DCAF5: variants seen among roughly 807,000 people sequenced by gnomAD.
DCAF5 encodes DDB1- and CUL4-associated factor 5.
In DCAF5, 9 loss-of-function variants were observed where a neutral mutation model predicts 80.7. The observed-to-expected ratio is 0.11, with a 90% CI of 0.07 to 0.19. The LOEUF (loss-of-function observed/expected upper bound fraction) is 0.19. Among genes scored for constraint, DCAF5 ranks in the 10% least tolerant of loss-of-function variants. The pLI is 1.00. For missense variants in DCAF5, 842 were observed against 1,205.7 expected (o/e 0.70, Z 4.47); for synonymous variants, 433 against 461.9 (o/e 0.94, Z 0.80).
intron 7 of DCAF5, among the ~76,000 whole-genome samples, chr14:69,063,444 T>C: frequency 6.6e-6 from 1 of 152,198 alleles, no homozygotes; most frequent in Non-Finnish European, 1.5e-5. Context: ...GAGAAACATG[T>C]GCATTTGGCT....
In DCAF5 at chr14:69,053,600, G is replaced by A. The variant is rs377021888; in HGVS notation, c.*257C>T. On this transcript the variant is annotated 3_prime_UTR_variant, in exon 9 of 9. Coordinates refer to ENST00000341516, the MANE Select transcript of DCAF5 (RefSeq NM_003861.3). ...CACAGAGCCTTGCGCGGCACACTAC[G>A]CTCACGTCTCACTAGAAAGGAGTCA... The A allele has an allele frequency of 1.1e-5, 5 of 454,698 alleles. No homozygotes were observed. Among genetic ancestry groups the A allele is most frequent in the Non-Finnish European group, 1.9e-5 (5 of 257,100 alleles). The allele number at this position is 454,698 out of a possible 1,614,324, so 28.2% of individuals were successfully genotyped here. A position where few individuals can be genotyped will look rare whatever the true frequency, so the allele number is the denominator to read the frequency against.
chr14:69,141,595 C>G (rs2041376002), intron 1 of DCAF5, among the ~76,000 whole-genome samples: 1 of 152,166 alleles, frequency 6.6e-6, no homozygotes. Context: ...AATAATTACA[C>G]TGGGACAATG....
chr14:69,099,689 T>A (rs2039881386), intron 5 of DCAF5, among the ~76,000 whole-genome samples: 1 of 152,172 alleles, frequency 6.6e-6, no homozygotes, highest in Non-Finnish European at 1.5e-5. Context: ...ATGCCTGTAA[T>A]CCCAACACTT....
At chr14:69,091,041 G>A (rs1446241928) in intron 6 of DCAF5, 3 of 730,568 alleles carry the variant, frequency 4.1e-6, no homozygotes, top group Non-Finnish European at 7.5e-6. Context: ...GGTGCAAGAA[G>A]GCCAAGTATA....
chr14:69,058,537 C>CAT (rs60478675), intron 8 of DCAF5, among the ~76,000 whole-genome samples: 45,338 of 148,422 alleles, frequency 0.31, 9,019 homozygotes, highest in East Asian at 0.91. Context: ...AAAAAAAATA[C>CAT]ATATATATAT....
At chr14:69,125,676 G>A (rs1360429171) in intron 1 of DCAF5, among the ~76,000 whole-genome samples, 2 of 152,056 alleles carry the variant, frequency 1.3e-5, no homozygotes, top group Non-Finnish European at 2.9e-5. Flanking sequence ...AACAATTCAG[G>A]AATGGAAAAA....
intron 6 of DCAF5, chr14:69,085,390 A>C (rs1171986404): frequency 1.7e-6 from 1 of 572,260 alleles, no homozygotes; most frequent in Non-Finnish European, 3.3e-6. Context: ...CTCTCACTGA[A>C]GACATGCCTT....
rs147590456 is a variant in DCAF5, at chr14:69,063,676, C to T, written c.947-1165G>A. On this transcript the variant is annotated intron_variant, in intron 7 of 8. Coordinates refer to ENST00000341516, the MANE Select transcript of DCAF5 (RefSeq NM_003861.3). ...TCTGTGTTTGGAGGGAAAATGACTA[C>T]AACAATGTCCCTTCCCCAGAAATAA... Among the ~76,000 whole-genome samples the T allele has an allele frequency of 3.6e-4, 55 of 152,332 alleles. No individual in the cohort carries two copies. The East Asian group carries it at 9.8e-3, about 27-fold the overall frequency.
At chr14:69,058,592 G>T (rs1194270287) in intron 8 of DCAF5, among the ~76,000 whole-genome samples, 1 of 148,882 alleles carries the variant, frequency 6.7e-6, no homozygotes, top group Non-Finnish European at 1.5e-5. Flanking sequence ...TCATGAGAAA[G>T]AGCCAGGCGT....
At chr14:69,116,255 C>G in intron 5 of DCAF5, 111 bp downstream of exon 5, 1 of 1,306,104 alleles carries the variant, frequency 7.7e-7, no homozygotes. Context: ...TTAAGAAATG[C>G]CCAGCAGAGA....
Position 69,054,866 on chromosome 14 carries a change from T to C in DCAF5, c.1820A>G (p.Asn607Ser). Residue 607 changes from asparagine to serine, a missense_variant, in exon 9 of 9, where the codon AAC (asparagine) becomes AGC (serine). By Grantham distance (46) the Asn-to-Ser change is conservative. Transcript: ENST00000341516. ...DKPSAPIKPTNTYIGEDNYDY... is the reference protein window; with the variant it reads ...DKPSAPIKPTSTYIGEDNYDY... Reference sequence around the variant, plus strand: ...ATAGTTGTCTTCTCCAATGTAAGTGTTGGTGGGCTTGATTGGGGCACTGGG... The same window carrying C: ...ATAGTTGTCTTCTCCAATGTAAGTGCTGGTGGGCTTGATTGGGGCACTGGG... 1 of 1,614,086 alleles carries C rather than the reference T, an allele frequency of 6.2e-7. No individual in the cohort carries two copies.
Position 69,055,133 on chromosome 14 carries a change from C to A in DCAF5, c.1553G>T (p.Arg518Leu), listed in dbSNP as rs761368253. The A allele has an allele frequency of 6.2e-7, 1 of 1,614,094 alleles. No homozygotes were observed. Among genetic ancestry groups the A allele is most frequent in the South Asian group, 1.1e-5 (1 of 91,092 alleles). ...GGCCAGGAGGCGTTTGTCTTGGTAG[C>A]GCCGCAGAGCAGACAGACGCTGCTG... ...SRQQRLSALR[R>L]YQDKRLLALS... The change falls in exon 9 of 9, where the codon CGC becomes CTC. Residue 518 changes from arginine to leucine, a missense_variant. By Grantham distance (102) the Arg-to-Leu change is moderately radical. Coordinates refer to ENST00000341516, the MANE Select transcript of DCAF5 (RefSeq NM_003861.3). This position sits in a 1 kb window ranked among gnomAD's most constrained non-coding sequence, Gnocchi z 5.6.
rs192837940 is a variant in DCAF5 at position 69,066,102 on chromosome 14, C to A, written c.947-3591G>T. The stretch of plus-strand genomic sequence containing the variant: ...ACCAACAGTCATTTCTCTGGGCCAT[C>A]TGCTTTGGTTGGCTTAGCCAAATGT... On this transcript the variant is annotated intron_variant, in intron 7 of 8. Coordinates refer to ENST00000341516, the MANE Select transcript of DCAF5 (RefSeq NM_003861.3). Among the ~76,000 whole-genome samples the A allele has an allele frequency of 1.1e-3, 161 of 151,618 alleles. 1 individual carries two copies. The highest frequency in any genetic ancestry group is 3.6e-3 in the African/African-American group (150 of 41,362).
chr14:69,073,207 G>C (rs927320835), intron 7 of DCAF5, among the ~76,000 whole-genome samples: 1 of 152,170 alleles, frequency 6.6e-6, no homozygotes, highest in Non-Finnish European at 1.5e-5. Context: ...AATAAACTTA[G>C]GGGTACTATC....
chr14:69,108,812 C>A (rs1238476262), intron 5 of DCAF5, among the ~76,000 whole-genome samples: 3 of 152,118 alleles, frequency 2.0e-5, no homozygotes, highest in Non-Finnish European at 4.4e-5. Flanking sequence ...CCGACTAAAG[C>A]TAATCATTGT....
intron 8 of DCAF5, among the ~76,000 whole-genome samples, chr14:69,059,080 G>A (rs910357008): frequency 6.6e-6 from 1 of 152,136 alleles, no homozygotes; most frequent in African/African-American, 2.4e-5. Context: ...GGTTACACAA[G>A]TGATCATGAT....
At chr14:69,124,544 C>T (rs2040819628) in intron 1 of DCAF5, among the ~76,000 whole-genome samples, 1 of 152,166 alleles carries the variant, frequency 6.6e-6, no homozygotes, top group Admixed American at 6.5e-5. Context: ...AGTCGTCCAC[C>T]AAACTGATGT....
chr14:69,128,080 A>T (rs1222069457), intron 1 of DCAF5, among the ~76,000 whole-genome samples: 1 of 152,188 alleles, frequency 6.6e-6, no homozygotes, highest in Non-Finnish European at 1.5e-5. Flanking sequence ...AATTTCCTTT[A>T]AAACTTTCCA....
intron 6 of DCAF5, chr14:69,083,977 C>T: frequency 2.6e-6 from 2 of 781,426 alleles, no homozygotes; most frequent in Non-Finnish European, 4.8e-6. Context: ...ATGGGTTTTA[C>T]AAACGTGACT....
Sources: gnomAD v4.1 joint callset for allele counts (sites outside exome capture counted in the v4.1 genomes callset) on GRCh38, gnomAD v4.1.1 for gene constraint, Gnocchi (gnomAD v3.1) non-coding constraint, MANE v1.5 for transcripts, NCBI Gene and HGNC (gene_info 2026-07-23, HGNC 2026-07-21) for gene names.